Variants in FUCA2 observed in about 807,000 individuals in gnomAD.
The protein encoded by FUCA2 is alpha-L-fucosidase 2.
In FUCA2, 41 loss-of-function variants were observed where a neutral mutation model predicts 52.6. The ratio of observed to expected loss-of-function variants is 0.78; its 90% confidence interval spans 0.61 to 1.01. FUCA2 has a LOEUF of 1.01. Ranked by LOEUF, FUCA2 falls within the 50% of genes least tolerant of loss-of-function variation. FUCA2 has a pLI of 0.00. For missense variants in FUCA2, 507 were observed against 569.5 expected (o/e 0.89, Z 1.12); for synonymous variants, 211 against 217.3 (o/e 0.97, Z 0.26).
rs530866043 is a variant in FUCA2, at chr6:143,511,611, C to A, written c.24G>T (p.Arg8Ser). The A allele has an allele frequency of 2.4e-5, 37 of 1,541,240 alleles. No homozygotes were observed. Among genetic ancestry groups the A allele is most frequent in the Middle Eastern group, 1.8e-4 (1 of 5,502 alleles). Residue 8 changes from arginine to serine, a missense_variant, in exon 1 of 7, where the codon AGG (arginine) becomes AGT (serine). Arg to Ser is a moderately radical substitution (Grantham distance 110). Transcript: ENST00000002165. This position sits in a 1 kb window ranked among gnomAD's most constrained non-coding sequence, Gnocchi z 6.3. MRPQELPRLAFPLLLLLL... is the reference protein window; with the variant it reads MRPQELPSLAFPLLLLLL... ...GCAACAGCAGCAACGGGAACGCGAG[C>A]CTGGGGAGCTCCTGGGGCCGCATGT...
chr6:143,498,597 G>A (rs1410735511), intron 5 of FUCA2, among the ~76,000 whole-genome samples: 2 of 152,160 alleles, frequency 1.3e-5, no homozygotes, highest in Non-Finnish European at 2.9e-5. Context: ...TAGCAAGGCA[G>A]AGTGCCTGAA....
chr6:143,502,079 T>G lies in FUCA2; in HGVS notation c.1007A>C (p.Asn336Thr). The G allele has an allele frequency of 1.2e-6, 2 of 1,612,530 alleles. No homozygotes were observed. Among genetic ancestry groups the G allele is most frequent in the Non-Finnish European group, 1.7e-6 (2 of 1,179,336 alleles). The change falls in exon 5 of 7, where the codon AAT becomes ACT. Residue 336 changes from asparagine to threonine, a missense_variant. Transcript: ENST00000002165. This position sits in a 1 kb window ranked among gnomAD's most constrained non-coding sequence, Gnocchi z 4.1. ...TVSCGGNLLM[N>T]IGPTLDGTIS... is the part of the protein sequence containing the mutation. The stretch of plus-strand genomic sequence containing the variant: ...GGTGCCATCTAGTGTGGGCCCAATA[T>G]TCATCAAAAGATTTCCTCCACATGA...
intron 2 of FUCA2, chr6:143,505,886 A>G (rs1780599458): frequency 1.3e-5 from 2 of 152,212 alleles, no homozygotes; most frequent in African/African-American, 4.8e-5. Context: ...AAATGTATAC[A>G]TGTGGGCTAC....
At position 143,495,554 on chromosome 6, in the gene FUCA2, A is replaced by T. The variant is rs748194104; in HGVS notation, c.*153T>A. On this transcript the variant is annotated 3_prime_UTR_variant, in exon 7 of 7. Transcript: ENST00000002165. This position sits in a 1 kb window ranked among gnomAD's most constrained non-coding sequence, Gnocchi z 5.2. ...AAAATGGTTACATGGGTAATTTAAG[A>T]AAAAATTTAGTGGGAAAAAGGGAAA... 4.0e-6 allele frequency: 3 copies of T among 748,022 alleles called. No individual in the cohort carries two copies. Among genetic ancestry groups the T allele is most frequent in the Non-Finnish European group, 6.0e-6 (3 of 499,670 alleles). 46.3% of individuals were successfully genotyped at this position (748,022 alleles called of 1,614,324 possible).
In FUCA2 at chr6:143,502,069, G is replaced by A. The variant is rs745924002; in HGVS notation, c.1017C>T (p.Pro339=). The A allele has an allele frequency of 2.5e-6, 4 of 1,613,346 alleles. No homozygotes were observed. Among genetic ancestry groups the A allele is most frequent in the African/African-American group, 1.3e-5 (1 of 74,806 alleles). ...CGGNLLMNIG[P]TLDGTISVVF... is the part of the protein sequence containing the mutation. ...CTACAGAAATGGTGCCATCTAGTGT[G>A]GGCCCAATATTCATCAAAAGATTTC... is the stretch of plus-strand genomic sequence containing the variant. The change falls in exon 5 of 7, where the codon CCC becomes CCT. Residue 339 remains proline, a synonymous_variant. Transcript: ENST00000002165. This position sits in a 1 kb window ranked among gnomAD's most constrained non-coding sequence, Gnocchi z 4.1.
rs553248606 is a variant in FUCA2, at chr6:143,510,354, T to C, written c.224+1057A>G. ...ATACTGTTTAATGATTCCGTTCTTTTACTTAAGAATATATTATGTGTCCCA... is the reference window on the plus strand; with the variant it reads ...ATACTGTTTAATGATTCCGTTCTTTCACTTAAGAATATATTATGTGTCCCA... On this transcript the variant is annotated intron_variant, in intron 1 of 6. Transcript: ENST00000002165. This position sits in a 1 kb window ranked among gnomAD's most constrained non-coding sequence, Gnocchi z 4.4. 3.9e-5 allele frequency among the ~76,000 whole-genome samples: 6 copies of C among 152,284 alleles called. No homozygotes were observed. In the East Asian group the frequency reaches 1.2e-3, roughly 29 times the overall value.
chr6:143,498,550 G>C (rs1780492985), intron 5 of FUCA2, among the ~76,000 whole-genome samples: 1 of 152,162 alleles, frequency 6.6e-6, no homozygotes, highest in Non-Finnish European at 1.5e-5. Flanking sequence ...AAGTGCAGGA[G>C]CCCCAGTGCA....
At chr6:143,508,132 C>T (rs1449286925) in intron 1 of FUCA2, among the ~76,000 whole-genome samples, 1 of 152,192 alleles carries the variant, frequency 6.6e-6, no homozygotes, top group Non-Finnish European at 1.5e-5. Context: ...TTTGGAGGCA[C>T]AGGACAGAAA....
intron 5 of FUCA2, among the ~76,000 whole-genome samples, chr6:143,498,853 G>A (rs1232074647): frequency 2.6e-5 from 4 of 152,136 alleles, no homozygotes; most frequent in African/African-American, 9.7e-5. Context: ...AGGCAGGGGC[G>A]AGACAATGGA....
In FUCA2 at chr6:143,495,455, A is replaced by T. The variant is rs1210401047; in HGVS notation, c.*252T>A. 3 of 374,606 alleles carry T rather than the reference A, an allele frequency of 8.0e-6. No homozygotes were observed. The highest frequency in any genetic ancestry group is 1.4e-5 in the Non-Finnish European group (3 of 209,244). The allele number at this position is 374,606 out of a possible 1,614,324, so 23.2% of individuals were successfully genotyped here. A position where few individuals can be genotyped will look rare whatever the true frequency, so the allele number is the denominator to read the frequency against. ...TTCCTTGCTACTATAATGTGAAAAA[A>T]TTCTCACCTCTGAGTCACACATGGA... On this transcript the variant is annotated 3_prime_UTR_variant, in exon 7 of 7. Coordinates refer to ENST00000002165, the MANE Select transcript of FUCA2 (RefSeq NM_032020.5). The surrounding 1 kb of genome is among the most constrained non-coding windows in gnomAD (Gnocchi z 5.2).
rs1241536174 is a variant in FUCA2 at position 143,499,736 on chromosome 6, T to C, written c.1154+2196A>G. On this transcript the variant is annotated intron_variant, in intron 5 of 6. Coordinates refer to ENST00000002165, the MANE Select transcript of FUCA2 (RefSeq NM_032020.5). This position sits in a 1 kb window ranked among gnomAD's most constrained non-coding sequence, Gnocchi z 6.0. The stretch of plus-strand genomic sequence containing the variant: ...AGCACTGGGGACTCATCACTGGAAC[T>C]GGCAAGGCAGATGTTATTGTGGGCC... Among the ~76,000 whole-genome samples the C allele has an allele frequency of 6.6e-6, 1 of 152,140 alleles. No individual in the cohort carries two copies. Among genetic ancestry groups the C allele is most frequent in the Non-Finnish European group, 1.5e-5 (1 of 68,042 alleles).
Position 143,502,770 on chromosome 6 carries a change from G to A in FUCA2, c.753-205C>T. The A allele has an allele frequency of 1.9e-6, 1 of 520,442 alleles. No individual in the cohort carries two copies. Among genetic ancestry groups the A allele is most frequent in the Non-Finnish European group, 3.4e-6 (1 of 294,762 alleles). 32.2% of individuals were successfully genotyped at this position (520,442 alleles called of 1,614,324 possible). A position where few individuals can be genotyped will look rare whatever the true frequency, so the allele number is the denominator to read the frequency against. On this transcript the variant is annotated intron_variant, in intron 3 of 6. Coordinates refer to ENST00000002165, the MANE Select transcript of FUCA2 (RefSeq NM_032020.5). This position sits in a 1 kb window ranked among gnomAD's most constrained non-coding sequence, Gnocchi z 4.1. ...TCACTTTCTAGCTCCCAGACCTAGA[G>A]CAAATTACCTGACTCCTCTGAATAA... is the stretch of plus-strand genomic sequence containing the variant.
rs945351934 is a variant in FUCA2, at chr6:143,497,068, T to TC, written c.1263+320dup. 12 of 209,998 alleles carry TC rather than the reference T, an allele frequency of 5.7e-5. No homozygotes were observed. Among genetic ancestry groups the TC allele is most frequent in the Admixed American group, 4.4e-4 (8 of 18,312 alleles). 13.0% of individuals were successfully genotyped at this position (209,998 alleles called of 1,614,324 possible). On this transcript the variant is annotated intron_variant, in intron 6 of 6. Coordinates refer to ENST00000002165, the MANE Select transcript of FUCA2 (RefSeq NM_032020.5). The surrounding 1 kb of genome is among the most constrained non-coding windows in gnomAD (Gnocchi z 5.3). ...TTGACCTACTGGGCTCAAGCAATCCTCCTGCCTCAGCCTCCTGAGTAACTA... is the reference window on the plus strand; with the variant it reads ...TTGACCTACTGGGCTCAAGCAATCCTCCCTGCCTCAGCCTCCTGAGTAACTA...
At position 143,497,510 on chromosome 6, in the gene FUCA2, A is replaced by C. The variant is rs774199575; in HGVS notation, c.1155-13T>G. The C allele has an allele frequency of 1.3e-6, 2 of 1,481,626 alleles. No individual in the cohort carries two copies. The highest frequency in any genetic ancestry group is 1.9e-6 in the Non-Finnish European group (2 of 1,062,396). 91.8% of individuals were successfully genotyped at this position (1,481,626 alleles called of 1,614,324 possible). ...CTTGGATGTGTACCTGGTTAAAAGAAAAAAATAAAGAGCATAGTAGCAAGT... is the reference window on the plus strand; with the variant it reads ...CTTGGATGTGTACCTGGTTAAAAGACAAAAATAAAGAGCATAGTAGCAAGT... On this transcript the variant is annotated splice_polypyrimidine_tract_variant and intron_variant, in intron 5 of 6. Coordinates refer to ENST00000002165, the MANE Select transcript of FUCA2 (RefSeq NM_032020.5). This position sits in a 1 kb window ranked among gnomAD's most constrained non-coding sequence, Gnocchi z 5.3.
intron 5 of FUCA2, among the ~76,000 whole-genome samples, chr6:143,498,583 G>A (rs1320266222): frequency 6.6e-6 from 1 of 152,156 alleles, no homozygotes; most frequent in Non-Finnish European, 1.5e-5. Flanking sequence ...GCCTGTTGAT[G>A]CACTAGCAAG....
chr6:143,497,463 C>T lies in FUCA2; in HGVS notation c.1189G>A (p.Ala397Thr). Reference sequence around the variant, plus strand: ...GATGTGGGCCATTTAAGAAAAATGGCATAGACTAATTTTTCTTTAGGCTTG... The same window carrying T: ...GATGTGGGCCATTTAAGAAAAATGGTATAGACTAATTTTTCTTTAGGCTTG... The part of the protein sequence containing the change: ...TSKPKEKLVY[A>T]IFLKWPTSGQ... The change falls in exon 6 of 7, where the codon GCC (alanine) becomes ACC (threonine). Residue 397 changes from alanine to threonine, a missense_variant. Transcript: ENST00000002165. This position sits in a 1 kb window ranked among gnomAD's most constrained non-coding sequence, Gnocchi z 5.3. 1 of 1,613,308 alleles carries T rather than the reference C, an allele frequency of 6.2e-7. No homozygotes were observed. The highest frequency in any genetic ancestry group is 8.5e-7 in the Non-Finnish European group (1 of 1,179,434).
chr6:143,499,379 C>A lies in FUCA2; in HGVS notation c.1155-1882G>T, dbSNP rs1197369530. Among the ~76,000 whole-genome samples, 1 of 152,100 alleles carries A rather than the reference C, an allele frequency of 6.6e-6. No individual in the cohort carries two copies. Among genetic ancestry groups the A allele is most frequent in the African/African-American group, 2.4e-5 (1 of 41,412 alleles). On this transcript the variant is annotated intron_variant, in intron 5 of 6. Coordinates refer to ENST00000002165, the MANE Select transcript of FUCA2 (RefSeq NM_032020.5). The surrounding 1 kb of genome is among the most constrained non-coding windows in gnomAD (Gnocchi z 6.0). ...ACCAGCCTGGCCAAACATGGTGAAA[C>A]CCCATCTCTACTAAAAATACAAAAA...
chr6:143,497,385 T>A lies in FUCA2; in HGVS notation c.1263+4A>T, dbSNP rs774227181. 6.3e-7 allele frequency: 1 copy of A among 1,587,916 alleles called. No homozygotes were observed. The highest frequency in any genetic ancestry group is 2.2e-5 in the East Asian group (1 of 44,726). ...TAAAGGAATAAGGTAAAATTCCCTC[T>A]TACCTCTGTTGCCCCCAGAATAGCT... is the stretch of plus-strand genomic sequence containing the variant. On this transcript the variant is annotated splice_donor_region_variant and intron_variant, in intron 6 of 6. Coordinates refer to ENST00000002165, the MANE Select transcript of FUCA2 (RefSeq NM_032020.5). This position sits in a 1 kb window ranked among gnomAD's most constrained non-coding sequence, Gnocchi z 5.3.
At position 143,498,943 on chromosome 6, in the gene FUCA2, T is replaced by C. The variant is rs566299093; in HGVS notation, c.1155-1446A>G. Among the ~76,000 whole-genome samples the C allele has an allele frequency of 2.7e-5, 4 of 150,076 alleles. No individual in the cohort carries two copies. In the Admixed American group the frequency reaches 2.7e-4, roughly 10 times the overall value. ...TATATTTCAAAGATGCAGAGGATGA[T>C]ATCTGCTAATGGGTTGGCTGTGACT... On this transcript the variant is annotated intron_variant, in intron 5 of 6. Transcript: ENST00000002165.
Sources: allele counts gnomAD v4.1 joint callset (sites outside exome capture counted in the v4.1 genomes callset), GRCh38; gene constraint gnomAD v4.1.1; non-coding constraint Gnocchi (gnomAD v3.1); transcripts MANE v1.5; gene names NCBI Gene and HGNC (gene_info 2026-07-23, HGNC 2026-07-21).